The following HOXD10 variants were observed in gnomAD, a reference collection of about 807,000 sequenced individuals.
HOXD10 encodes homeobox protein Hox-D10.
In HOXD10, 15 loss-of-function variants were observed where a neutral mutation model predicts 27.0. The observed-to-expected ratio is 0.56, with a 90% CI of 0.37 to 0.85. The LOEUF (loss-of-function observed/expected upper bound fraction) is 0.85. Ranked by LOEUF, HOXD10 falls within the 40% of genes least tolerant of loss-of-function variation. The pLI is 0.00. For missense variants in HOXD10, 440 were observed against 430.4 expected, an observed-to-expected ratio of 1.02 and a Z score of -0.20; for synonymous variants, 178 against 160.9, an observed-to-expected ratio of 1.11 and a Z score of -0.80.
At chr2:176,117,985 C>T (rs2105394459) in intron 1 of HOXD10, among the ~76,000 whole-genome samples, 1 of 152,326 alleles carries the variant, frequency 6.6e-6, no homozygotes, top group Non-Finnish European at 1.5e-5. Context: ...TGTTCGTGTT[C>T]AAGTGTATGC....
rs1689780394 is a variant in HOXD10 at position 176,117,474 on chromosome 2, C to A, written c.641C>A (p.Ser214Tyr). The stretch of plus-strand genomic sequence containing the variant: ...AGCGGCCAGGAGCCCACCAAAGTCT[C>A]CCAGGTGGAGAGCCCCGAGGCCAAA... Reference protein sequence around the residue: ...PVSGQEPTKVSQVESPEAKGG... With the variant: ...PVSGQEPTKVYQVESPEAKGG... The change falls in exon 1 of 2, where the codon TCC (serine) becomes TAC (tyrosine). Residue 214 changes from serine (S) to tyrosine (Y), a missense_variant. Transcript: ENST00000249501. 2 of 1,613,020 alleles carry A rather than the reference C, an allele frequency of 1.2e-6. No individual in the cohort carries two copies. The highest frequency in any genetic ancestry group is 1.7e-6 in the Non-Finnish European group (2 of 1,180,018).
rs1250558868 is a variant in HOXD10, at chr2:176,119,194, G to A, written c.986G>A (p.Arg329Gln). The change falls in exon 2 of 2, where the codon CGG becomes CAG. Residue 329 changes from arginine to glutamine, a missense_variant. Coordinates refer to ENST00000249501, the MANE Select transcript of HOXD10 (RefSeq NM_002148.4). Reference sequence around the variant, plus strand: ...CTCAAGAAGATGAGCCGAGAGAACCGGATCCGAGAACTGACCGCCAACCTC... The same window carrying A: ...CTCAAGAAGATGAGCCGAGAGAACCAGATCCGAGAACTGACCGCCAACCTC... ...MKLKKMSREN[R>Q]IRELTANLTF... 1.2e-6 allele frequency: 2 copies of A among 1,613,676 alleles called. No individual in the cohort carries two copies. Among genetic ancestry groups the A allele is most frequent in the Non-Finnish European group, 1.7e-6 (2 of 1,180,004 alleles).
In HOXD10 at chr2:176,119,052, GAA is replaced by G. The variant is rs1242151127; in HGVS notation, c.848_849del (p.Lys283ArgfsTer18). The G allele has an allele frequency of 1.4e-5, 23 of 1,613,958 alleles. No individual in the cohort carries two copies. Among genetic ancestry groups the G allele is most frequent in the African/African-American group, 2.7e-5 (2 of 74,884 alleles). ...PYTKHQTLEL[E>X]KEFLFNMYLT... ...CACTAAGCACCAAACGCTGGAATTA[GAA>G]AAAGAGTTCTTGTTCAATATGTACC... is the stretch of plus-strand genomic sequence containing the variant. On this transcript the variant is annotated frameshift_variant, in exon 2 of 2. Coordinates refer to ENST00000249501, the MANE Select transcript of HOXD10 (RefSeq NM_002148.4). LOFTEE classifies it high-confidence loss of function.
At chr2:176,118,508 T>C (rs908988176) in intron 1 of HOXD10, among the ~76,000 whole-genome samples, 3 of 152,112 alleles carry the variant, frequency 2.0e-5, no homozygotes, top group African/African-American at 7.2e-5. Context: ...AGTGGCAGAT[T>C]TGGGGACCTG....
rs151123199 is a variant in HOXD10, at chr2:176,117,511, C to G, written c.678C>G (p.Pro226=). 73 of 1,613,156 alleles carry G rather than the reference C, an allele frequency of 4.5e-5. No homozygotes were observed. In the African/African-American group the frequency reaches 8.3e-4, roughly 18 times the overall value. ...VESPEAKGGL[P]EERSCLAEVS... is the part of the protein sequence containing the mutation. ...GCCCCGAGGCCAAAGGCGGCCTTCC[C>G]GAAGAGAGGAGCTGCCTGGCTGAGG... The change falls in exon 1 of 2, where the codon CCC becomes CCG. Residue 226 remains proline (P), a synonymous_variant. Coordinates refer to ENST00000249501, the MANE Select transcript of HOXD10 (RefSeq NM_002148.4).
Position 176,117,519 on chromosome 2 carries a change from G to A in HOXD10, c.686G>A (p.Arg229Lys), listed in dbSNP as rs749965639. ...PEAKGGLPEE[R>K]SCLAEVSVSS... ...GCCAAAGGCGGCCTTCCCGAAGAGAGGAGCTGCCTGGCTGAGGTCTCCGTG... is the reference window on the plus strand; with the variant it reads ...GCCAAAGGCGGCCTTCCCGAAGAGAAGAGCTGCCTGGCTGAGGTCTCCGTG... Residue 229 changes from arginine to lysine, a missense_variant, in exon 1 of 2, where the codon AGG becomes AAG. Coordinates refer to ENST00000249501, the MANE Select transcript of HOXD10 (RefSeq NM_002148.4). The A allele has an allele frequency of 3.7e-6, 6 of 1,613,186 alleles. No individual in the cohort carries two copies. Among genetic ancestry groups the A allele is most frequent in the Non-Finnish European group, 5.1e-6 (6 of 1,180,042 alleles).
Position 176,118,599 on chromosome 2 carries a change from G to A in HOXD10, c.746-355G>A, listed in dbSNP as rs1228562959. 2.0e-5 allele frequency among the ~76,000 whole-genome samples: 3 copies of A among 152,162 alleles called. No homozygotes were observed. The East Asian group carries it at 5.8e-4, about 29-fold the overall frequency. ...CTGTTAGGAGCTGAACCCTTAGAAT[G>A]TTGCTGGGGAGATCTGGAAAGTTTA... On this transcript the variant is annotated intron_variant, in intron 1 of 1. Coordinates refer to ENST00000249501, the MANE Select transcript of HOXD10 (RefSeq NM_002148.4).
chr2:176,116,799 G>T lies in HOXD10; in HGVS notation c.-35G>T, dbSNP rs760645384. 6 of 1,607,618 alleles carry T rather than the reference G, an allele frequency of 3.7e-6. No homozygotes were observed. Among genetic ancestry groups the T allele is most frequent in the East Asian group, 2.2e-5 (1 of 44,858 alleles). On this transcript the variant is annotated 5_prime_UTR_variant, in exon 1 of 2. In the 5' UTR this introduces an upstream ATG that the reference lacks. Coordinates refer to ENST00000249501, the MANE Select transcript of HOXD10 (RefSeq NM_002148.4). ...TTTCCTAGAGATGTCAGCCTACAAA[G>T]GACACAATCTCTCTTCTTCAAATTC...
chr2:176,117,592 G>A lies in HOXD10; in HGVS notation c.745+14G>A, dbSNP rs762459740. The A allele has an allele frequency of 1.9e-6, 3 of 1,612,402 alleles. No individual in the cohort carries two copies. Among genetic ancestry groups the A allele is most frequent in the South Asian group, 2.2e-5 (2 of 91,048 alleles). On this transcript the variant is annotated intron_variant, in intron 1 of 1. Coordinates refer to ENST00000249501, the MANE Select transcript of HOXD10 (RefSeq NM_002148.4). ...AGGAAAGCAAAGGTCGGTATGAGCA[G>A]AGTTGCCACCCCAGCGGGGCGCGCA...
At chr2:176,117,622 G>T in intron 1 of HOXD10, 44 bp downstream of exon 1, 1 of 1,607,204 alleles carries the variant, frequency 6.2e-7, no homozygotes, top group South Asian at 1.1e-5. Flanking sequence ...CGCGCAGCCC[G>T]GGAACCCGGC....
rs2105393635 is a variant in HOXD10 at position 176,116,968 on chromosome 2, C to T, written c.135C>T (p.Thr45=). 1 of 1,614,184 alleles carries T rather than the reference C, an allele frequency of 6.2e-7. No individual in the cohort carries two copies. Among genetic ancestry groups the T allele is most frequent in the South Asian group, 1.1e-5 (1 of 91,080 alleles). ...CACCACCTAGCGCAGACATGGGGACCTATGGAATGCAAACCTGTGGACTGC... is the reference window on the plus strand; with the variant it reads ...CACCACCTAGCGCAGACATGGGGACTTATGGAATGCAAACCTGTGGACTGC... The part of the protein sequence containing the change: ...YMPPPSADMG[T]YGMQTCGLLP... The change falls in exon 1 of 2, where the codon ACC becomes ACT. Residue 45 remains threonine (T), a synonymous_variant. Coordinates refer to ENST00000249501, the MANE Select transcript of HOXD10 (RefSeq NM_002148.4).
Position 176,118,944 on chromosome 2 carries a change from A to T in HOXD10, c.746-10A>T. ...TGATTTTTTTCTTCTTCTCCCTTTA[A>T]TTTTGTTAGAGGAAATCAAGTCTGA... is the stretch of plus-strand genomic sequence containing the variant. On this transcript the variant is annotated splice_polypyrimidine_tract_variant and intron_variant, in intron 1 of 1. Transcript: ENST00000249501. 6.2e-7 allele frequency: 1 copy of T among 1,608,674 alleles called. No individual in the cohort carries two copies. The highest frequency in any genetic ancestry group is 8.5e-7 in the Non-Finnish European group (1 of 1,175,978).
chr2:176,119,510 G>A lies in HOXD10; in HGVS notation c.*279G>A, dbSNP rs150556295. On this transcript the variant is annotated 3_prime_UTR_variant, in exon 2 of 2. Coordinates refer to ENST00000249501, the MANE Select transcript of HOXD10 (RefSeq NM_002148.4). ...TTATTATTTTTTCATCGTAATGCAG[G>A]GTAACTATTATTGCGCATTTTCATT... 530 of 138,226 alleles carry A rather than the reference G, an allele frequency of 3.8e-3. 2 individuals are homozygous for A. The highest frequency in any genetic ancestry group is 0.015 in the African/African-American group (514 of 33,918). 8.6% of individuals were successfully genotyped at this position (138,226 alleles called of 1,614,324 possible).
intron 1 of HOXD10, 90 bp from the exon 2 acceptor site, chr2:176,118,858 GAAAACC>G (rs56818210): frequency 2.7e-4 from 325 of 1,216,894 alleles, no homozygotes; most frequent in Admixed American, 4.2e-4. Context: ...AAACAAAAAC[GAAAACC>G]AAAACCAAAA....
chr2:176,119,160 C>G lies in HOXD10; in HGVS notation c.952C>G (p.Arg318Gly). 1 of 1,613,806 alleles carries G rather than the reference C, an allele frequency of 6.2e-7. No homozygotes were observed. Among genetic ancestry groups the G allele is most frequent in the South Asian group, 1.1e-5 (1 of 91,060 alleles). ...RQVKIWFQNR[R>G]MKLKKMSREN... ...GGTCAAGATTTGGTTTCAAAACCGC[C>G]GAATGAAACTCAAGAAGATGAGCCG... The change falls in exon 2 of 2, where the codon CGA (arginine) becomes GGA (glycine). Residue 318 changes from arginine (R) to glycine (G), a missense_variant. Transcript: ENST00000249501.
intron 1 of HOXD10, 72 bp from the exon 2 acceptor site, chr2:176,118,864 CAAAACCAAAACCAAAACA>C (rs1559118245): frequency 2.4e-6 from 3 of 1,263,496 alleles, no homozygotes; most frequent in African/African-American, 3.1e-5. Context: ...AAACGAAAAC[CAAAACCAAAACCAAAACA>C]AAAACAAAAA....
At position 176,119,072 on chromosome 2, in the gene HOXD10, T is replaced by C. The variant is rs1207086857; in HGVS notation, c.864T>C (p.Asn288=). The C allele has an allele frequency of 1.2e-6, 2 of 1,613,914 alleles. No individual in the cohort carries two copies. The highest frequency in any genetic ancestry group is 1.7e-5 in the Admixed American group (1 of 60,006). The change falls in exon 2 of 2, where the codon AAT becomes AAC. Residue 288 remains asparagine, a synonymous_variant. Transcript: ENST00000249501. The part of the protein sequence containing the change: ...TLELEKEFLF[N]MYLTRERRLE... ...AATTAGAAAAAGAGTTCTTGTTCAA[T>C]ATGTACCTCACCCGCGAGCGCCGCC...
In HOXD10 at chr2:176,119,457, ATATATAT is replaced by A; in HGVS notation, c.*227_*233del. 2 of 146,894 alleles carry A rather than the reference ATATATAT, an allele frequency of 1.4e-5. No individual in the cohort carries two copies. Among genetic ancestry groups the A allele is most frequent in the African/African-American group, 5.2e-5 (2 of 38,584 alleles). 9.1% of individuals were successfully genotyped at this position (146,894 alleles called of 1,614,324 possible). A position where few individuals can be genotyped will look rare whatever the true frequency, so the allele number is the denominator to read the frequency against. ...TGAGTATATATATATATATATATAT[ATATATAT>A]AAAAACTTAGCACGTGTAATTTATT... On this transcript the variant is annotated 3_prime_UTR_variant, in exon 2 of 2. Coordinates refer to ENST00000249501, the MANE Select transcript of HOXD10 (RefSeq NM_002148.4).
Position 176,117,240 on chromosome 2 carries a change from C to T in HOXD10, c.407C>T (p.Pro136Leu). 1 of 1,611,404 alleles carries T rather than the reference C, an allele frequency of 6.2e-7. No homozygotes were observed. Among genetic ancestry groups the T allele is most frequent in the Non-Finnish European group, 8.5e-7 (1 of 1,177,822 alleles). ...AEVPSYQRLVPESCPVENPEV... is the reference protein window; with the variant it reads ...AEVPSYQRLVLESCPVENPEV... ...GTCCCTTCGTACCAGAGGCTGGTCC[C>T]TGAGTCTTGTCCCGTTGAGAACCCT... Residue 136 changes from proline (P) to leucine (L), a missense_variant, in exon 1 of 2, where the codon CCT becomes CTT. Coordinates refer to ENST00000249501, the MANE Select transcript of HOXD10 (RefSeq NM_002148.4).
Sources: allele counts gnomAD v4.1 joint callset (sites outside exome capture counted in the v4.1 genomes callset), GRCh38; gene constraint gnomAD v4.1.1; transcripts MANE v1.5; gene names NCBI Gene and HGNC (gene_info 2026-07-23, HGNC 2026-07-21).